Variants in UBE2V1 observed in about 807,000 individuals in gnomAD.
UBE2V1 encodes ubiquitin-conjugating enzyme E2 variant 1.
Under a neutral mutation model 19.6 loss-of-function variants are expected in UBE2V1, and 15 were observed. The ratio of observed to expected loss-of-function variants is 0.77; its 90% CI spans 0.51 to 1.18. The LOEUF is 1.18. UBE2V1 is among the 50% of genes most tolerant of loss of function. UBE2V1 has a pLI of 0.00. For synonymous variants in UBE2V1, 60 were observed against 60.7 expected (o/e 0.99, Z 0.05); for missense variants, 125 against 184.8 (o/e 0.68, Z 1.88).
At chr20:50,113,626 T>G (rs1016012702), upstream of UBE2V1, among the ~76,000 whole-genome samples, 3 of 152,098 alleles carry the variant, frequency 2.0e-5, no homozygotes, top group African/African-American at 4.8e-5. Context: ...GGTTCAAATT[T>G]TTTGAATCAT....
chr20:50,112,986 G>A (rs1045614589), intron 1 of UBE2V1, 121 bp downstream of exon 1: 7 of 429,302 alleles, frequency 1.6e-5, no homozygotes, highest in East Asian at 1.1e-4. Flanking sequence ...GGCTGCCGCG[G>A]AGCCCAGCAG....
At chr20:50,091,731 A>T (rs2079242692) in intron 2 of UBE2V1, among the ~76,000 whole-genome samples, 1 of 152,214 alleles carries the variant, frequency 6.6e-6, no homozygotes, top group Non-Finnish European at 1.5e-5. Context: ...ATATGCACTG[A>T]TATAGAAAGA....
intron 2 of UBE2V1, among the ~76,000 whole-genome samples, chr20:50,090,126 T>C (rs745642919): frequency 2.7e-4 from 41 of 152,246 alleles, no homozygotes; most frequent in Non-Finnish European, 4.9e-4. Context: ...GTTCTCATAT[T>C]GTGCCTTCTT....
At chr20:50,088,393 A>G (rs1262944909) in intron 2 of UBE2V1, among the ~76,000 whole-genome samples, 1 of 152,252 alleles carries the variant, frequency 6.6e-6, no homozygotes, top group Non-Finnish European at 1.5e-5. Context: ...CCATAATAAC[A>G]TAAGATGCTA....
intron 2 of UBE2V1, 184 bp downstream of exon 2, chr20:50,096,488 A>C (rs2079631253): frequency 6.7e-7 from 1 of 1,485,266 alleles, no homozygotes. Flanking sequence ...CTTACCATTT[A>C]GAGGGGTTAA....
At chr20:50,114,167 T>C (rs2080938600), upstream of UBE2V1, among the ~76,000 whole-genome samples, 1 of 152,182 alleles carries the variant, frequency 6.6e-6, no homozygotes, top group Non-Finnish European at 1.5e-5. Flanking sequence ...GAAGCCCTTA[T>C]ATGGATGTAG....
At chr20:50,096,292 C>T (rs2079618626) in intron 2 of UBE2V1, 1 of 285,844 alleles carries the variant, frequency 3.5e-6, no homozygotes, top group Non-Finnish European at 6.7e-6. Context: ...TGAAGAAAAA[C>T]CACAACTGGG....
intron 1 of UBE2V1, among the ~76,000 whole-genome samples, chr20:50,102,804 C>G (rs979519859): frequency 6.6e-6 from 1 of 152,198 alleles, no homozygotes; most frequent in African/African-American, 2.4e-5. Context: ...CGAGAGAGCC[C>G]CACCTGCTTC....
intron 2 of UBE2V1, 170 bp downstream of exon 2, chr20:50,096,502 G>A (rs757182916): frequency 4.6e-6 from 7 of 1,518,766 alleles, no homozygotes; most frequent in South Asian, 1.2e-5. Context: ...GGGTTAAACA[G>A]CATCAGAGGA....
intron 2 of UBE2V1, among the ~76,000 whole-genome samples, chr20:50,092,367 C>T (rs1374959234): frequency 2.0e-5 from 3 of 152,118 alleles, no homozygotes; most frequent in Non-Finnish European, 2.9e-5. Flanking sequence ...AGAGGCTCAA[C>T]AGTGCTCCTC....
At chr20:50,104,230 C>T (rs1015026149) in intron 1 of UBE2V1, 15 of 876,574 alleles carry the variant, frequency 1.7e-5, no homozygotes, top group Admixed American at 7.1e-5. Context: ...TACAGTGAGC[C>T]GAGATCGCGC....
chr20:50,111,051 G>A (rs2147217217), intron 1 of UBE2V1, among the ~76,000 whole-genome samples: 1 of 152,290 alleles, frequency 6.6e-6, no homozygotes, highest in Non-Finnish European at 1.5e-5. Context: ...TCCCTGACTT[G>A]AATGGAAGCT....
At chr20:50,093,513 G>T (rs2079366089) in intron 2 of UBE2V1, among the ~76,000 whole-genome samples, 1 of 152,146 alleles carries the variant, frequency 6.6e-6, no homozygotes, top group South Asian at 2.1e-4. Context: ...AAACTACAAG[G>T]GTGAAAAGAC....
intron 2 of UBE2V1, chr20:50,096,267 A>C (rs1434601551): frequency 3.7e-6 from 1 of 273,856 alleles, no homozygotes; most frequent in African/African-American, 2.3e-5. Flanking sequence ...GGTGCACGGC[A>C]GACCTGGGAG....
rs148757188 is a variant in UBE2V1 at position 50,082,570 on chromosome 20, C to T, written c.*198G>A. The T allele has an allele frequency of 1.1e-3, 1,053 of 1,001,960 alleles. 6 individuals are homozygous for T. The highest frequency in any genetic ancestry group is 7.0e-3 in the African/African-American group (427 of 61,196). 62.1% of individuals were successfully genotyped at this position (1,001,960 alleles called of 1,614,324 possible). A position where few individuals can be genotyped will look rare whatever the true frequency, so the allele number is the denominator to read the frequency against. On this transcript the variant is annotated 3_prime_UTR_variant, in exon 4 of 4. Coordinates refer to ENST00000371674, the MANE Select transcript of UBE2V1 (RefSeq NM_001032288.3). ...CACTTGACAGGATGATTTGTTATAG[C>T]ACAACTTATATATTTCAAATGGACA...
chr20:50,086,710 G>GT (rs1479898920), intron 2 of UBE2V1, among the ~76,000 whole-genome samples: 1 of 151,902 alleles, frequency 6.6e-6, no homozygotes, highest in Admixed American at 6.6e-5. Flanking sequence ...TATTCATCTG[G>GT]TAATTTCACT....
In UBE2V1 at chr20:50,083,025, A is replaced by C. The variant is rs899176294; in HGVS notation, c.298-111T>G. 9 of 1,496,910 alleles carry C rather than the reference A, an allele frequency of 6.0e-6. No individual in the cohort carries two copies. The East Asian group carries it at 1.9e-4, about 31-fold the overall frequency. The allele number at this position is 1,496,910 out of a possible 1,614,324, so 92.7% of individuals were successfully genotyped here. A position where few individuals can be genotyped will look rare whatever the true frequency, so the allele number is the denominator to read the frequency against. ...GAGTAAGATGTACTTTTTAAGCTGAACCTGCTGCTAATCCTAATACCTTAC... is the reference window on the plus strand; with the variant it reads ...GAGTAAGATGTACTTTTTAAGCTGACCCTGCTGCTAATCCTAATACCTTAC... On this transcript the variant is annotated intron_variant, in intron 3 of 3. Transcript: ENST00000371674.
chr20:50,115,754 A>C (rs2080988956), upstream of UBE2V1: 1 of 643,322 alleles, frequency 1.6e-6, no homozygotes. Flanking sequence ...ACTCCTGTGA[A>C]TATCCCCATT....
At chr20:50,098,674 T>C (rs1224804797) in intron 1 of UBE2V1, among the ~76,000 whole-genome samples, 1 of 152,214 alleles carries the variant, frequency 6.6e-6, no homozygotes, top group Non-Finnish European at 1.5e-5. Context: ...TTCGGTGGTA[T>C]GTGATTGAAC....
Sources: allele counts gnomAD v4.1 joint callset (sites outside exome capture counted in the v4.1 genomes callset), GRCh38; gene constraint gnomAD v4.1.1; transcripts MANE v1.5; gene names NCBI Gene and HGNC (gene_info 2026-07-23, HGNC 2026-07-21).